The following TENM2 variants were observed in gnomAD, a reference collection of about 807,000 sequenced individuals.
TENM2 encodes teneurin-2.
In TENM2, 52 loss-of-function variants were observed where a neutral mutation model predicts 245.2. That is an observed-to-expected ratio of 0.21 (90% CI 0.17 to 0.27). The LOEUF (loss-of-function observed/expected upper bound fraction) is 0.27. Ranked by LOEUF, TENM2 falls within the 10% of genes least tolerant of loss-of-function variation. The pLI is 1.00. For synonymous variants in TENM2, 1,363 were observed against 1,438.9 expected, an observed-to-expected ratio of 0.95 and a Z score of 1.19; for missense variants, 3,046 against 3,666.8, an observed-to-expected ratio of 0.83 and a Z score of 4.37.
At chr5:167,039,536 C>T in the TENM2 span, among the ~76,000 whole-genome samples, 1 of 152,042 alleles carries the variant, frequency 6.6e-6, no homozygotes, top group Non-Finnish European at 1.5e-5. Context: ...GCCAATGTGG[C>T]CTCTGCTCAT....
intron 21 of TENM2, among the ~76,000 whole-genome samples, chr5:168,216,135 G>A (rs1763171870): frequency 6.6e-6 from 1 of 152,136 alleles, no homozygotes; most frequent in African/African-American, 2.4e-5. Context: ...ATGGATTAAG[G>A]AGGCAAAGCC....
At chr5:167,912,572 A>G (rs567784186) in intron 3 of TENM2, among the ~76,000 whole-genome samples, 6 of 152,236 alleles carry the variant, frequency 3.9e-5, no homozygotes, top group African/African-American at 1.4e-4. Context: ...GGTGAGTGGA[A>G]AGTCCTTTTG....
chr5:167,014,898 C>T, the TENM2 span, among the ~76,000 whole-genome samples: 1 of 152,172 alleles, frequency 6.6e-6, no homozygotes, highest in Non-Finnish European at 1.5e-5. Flanking sequence ...GTGTCTCTAC[C>T]TAAATTAATC....
At chr5:167,714,254 A>G (rs1759104443) in intron 2 of TENM2, among the ~76,000 whole-genome samples, 1 of 152,130 alleles carries the variant, frequency 6.6e-6, no homozygotes, top group African/African-American at 2.4e-5. Context: ...CACTTCCCCC[A>G]TGGTGCGGTT....
chr5:168,224,816 TAAC>T (rs1310270505), intron 23 of TENM2, among the ~76,000 whole-genome samples: 24 of 152,110 alleles, frequency 1.6e-4, no homozygotes, highest in African/African-American at 5.3e-4. Context: ...CCTCCTCCAG[TAAC>T]AAAACTCATC....
At chr5:167,553,803 A>T (rs1023674260) in intron 2 of TENM2, among the ~76,000 whole-genome samples, 2 of 152,108 alleles carry the variant, frequency 1.3e-5, no homozygotes, top group African/African-American at 4.8e-5. Context: ...ACATTGATGG[A>T]TGGAGTTAAA....
At chr5:167,387,578 C>CAAT (rs1236301950) in intron 2 of TENM2, among the ~76,000 whole-genome samples, 1 of 151,888 alleles carries the variant, frequency 6.6e-6, no homozygotes, top group East Asian at 1.9e-4. Context: ...GTGAGAGTGG[C>CAAT]AATACTTGTT....
chr5:167,777,482 G>A (rs1465109588), intron 2 of TENM2, among the ~76,000 whole-genome samples: 7 of 152,172 alleles, frequency 4.6e-5, no homozygotes, highest in African/African-American at 1.7e-4. Context: ...TGTTTGGGAG[G>A]TGGTACGACA....
intron 2 of TENM2, among the ~76,000 whole-genome samples, chr5:167,752,910 G>A (rs1762054787): frequency 6.6e-6 from 1 of 152,202 alleles, no homozygotes; most frequent in African/African-American, 2.4e-5. Flanking sequence ...GTACTTGAAT[G>A]TGTCCTTCAT....
intron 3 of TENM2, among the ~76,000 whole-genome samples, chr5:167,897,465 A>G (rs568933606): frequency 6.1e-4 from 93 of 152,318 alleles, no homozygotes; most frequent in African/African-American, 2.2e-3. Flanking sequence ...ATCAGGTCTT[A>G]AAAAGATTTA....
intron 3 of TENM2, among the ~76,000 whole-genome samples, chr5:167,880,550 A>G (rs1332359584): frequency 1.3e-5 from 2 of 152,150 alleles, no homozygotes; most frequent in Admixed American, 1.3e-4. Context: ...ATAAAAGCAA[A>G]TCAGTCATTT....
At chr5:167,149,297 G>A in the TENM2 span, among the ~76,000 whole-genome samples, 1 of 152,048 alleles carries the variant, frequency 6.6e-6, no homozygotes, top group Non-Finnish European at 1.5e-5. Context: ...GGATAATCTG[G>A]CATGAATTAC....
chr5:167,770,802 G>A (rs1221745288), intron 2 of TENM2, among the ~76,000 whole-genome samples: 1 of 152,082 alleles, frequency 6.6e-6, no homozygotes, highest in African/African-American at 2.4e-5. Context: ...GAACAGCTTT[G>A]GTTATCTGTA....
chr5:167,612,044 G>A (rs929514349), intron 2 of TENM2, among the ~76,000 whole-genome samples: 8 of 152,002 alleles, frequency 5.3e-5, no homozygotes, highest in East Asian at 1.9e-4. Context: ...AGTCTGTCTC[G>A]CTGTTCATTT....
chr5:167,942,204 A>G (rs1446118173), intron 3 of TENM2, among the ~76,000 whole-genome samples: 1 of 152,174 alleles, frequency 6.6e-6, no homozygotes, highest in South Asian at 2.1e-4. Flanking sequence ...TGAGACTCCC[A>G]TCTCAAAAAA....
intron 2 of TENM2, among the ~76,000 whole-genome samples, chr5:167,557,581 G>C (rs1773333915): frequency 6.6e-6 from 1 of 152,206 alleles, no homozygotes; most frequent in African/African-American, 2.4e-5. Context: ...TGCTTGATAA[G>C]TGCACTGAAT....
rs373765222 is a variant in TENM2 at position 167,464,244 on chromosome 5, TAG to T, written c.502+88789_502+88790del. On this transcript the variant is annotated intron_variant, in intron 2 of 28. Transcript: ENST00000518659. ...TATGTGAGCTGAAGAAAAGATGCTT[TAG>T]AGAGAGAGAGAGAGAGAATGTGCAT... Among the ~76,000 whole-genome samples the T allele has an allele frequency of 3.3e-3, 501 of 150,604 alleles. 18 individuals are homozygous for T. The South Asian group carries it at 0.08, about 24-fold the overall frequency.
intron 2 of TENM2, among the ~76,000 whole-genome samples, chr5:167,466,328 G>A (rs941123080): frequency 6.6e-6 from 1 of 152,172 alleles, no homozygotes; most frequent in African/African-American, 2.4e-5. Flanking sequence ...CAGCCTCACT[G>A]CTTCAAGTTC....
chr5:167,331,894 C>T (rs1389496921), intron 1 of TENM2, among the ~76,000 whole-genome samples: 1 of 152,048 alleles, frequency 6.6e-6, no homozygotes, highest in African/African-American at 2.4e-5. Flanking sequence ...ATTGAGGGGG[C>T]ACCTGGCATT....
Sources: gnomAD v4.1 joint callset for allele counts (sites outside exome capture counted in the v4.1 genomes callset) on GRCh38, gnomAD v4.1.1 for gene constraint, MANE v1.5 for transcripts, NCBI Gene and HGNC (gene_info 2026-07-23, HGNC 2026-07-21) for gene names.